The following NCKAP5 variants were observed in gnomAD, a reference collection of about 807,000 sequenced individuals.
The protein encoded by NCKAP5 is NCK associated protein 5, also known as nck-associated protein 5.
NCKAP5 carries 92 observed loss-of-function variants against 167.0 expected under a neutral mutation model. The ratio of observed to expected loss-of-function variants is 0.55; its 90% CI spans 0.47 to 0.66. The LOEUF (loss-of-function observed/expected upper bound fraction) is 0.66. Ranked by LOEUF, NCKAP5 falls within the 30% of genes least tolerant of loss-of-function variation. The probability of loss-of-function intolerance (pLI) is 0.00; values close to 1 mark genes in which losing one functional copy is unlikely to be tolerated. For missense variants in NCKAP5, 2,378 were observed against 2,315.0 expected (o/e 1.03, Z -0.56); for synonymous variants, 891 against 877.4 (o/e 1.02, Z -0.27).
rs139452459 is a variant in NCKAP5, at chr2:133,314,736, C to G, written c.70-11626G>C. Among the ~76,000 whole-genome samples the G allele has an allele frequency of 1.1e-3, 167 of 151,996 alleles. 1 individual carries two copies. Among genetic ancestry groups the G allele is most frequent in the Middle Eastern group, 3.4e-3 (1 of 294 alleles). On this transcript the variant is annotated intron_variant, in intron 3 of 19. Coordinates refer to ENST00000409261, the MANE Select transcript of NCKAP5 (RefSeq NM_207363.3). The stretch of plus-strand genomic sequence containing the variant: ...GAAGGTAACATTTTTGTGAGGGAGA[C>G]AGACAAAATAAGTGGAGGTAAGTGG...
chr2:132,965,363 T>TA (rs1159825443), intron 7 of NCKAP5, among the ~76,000 whole-genome samples: 1 of 152,180 alleles, frequency 6.6e-6, no homozygotes. Context: ...CTGTCAGACT[T>TA]ACATTTCCAA....
At chr2:133,348,345 G>A (rs74318870) in intron 3 of NCKAP5, among the ~76,000 whole-genome samples, 8,589 of 152,182 alleles carry the variant, frequency 0.056, 303 homozygotes, top group East Asian at 0.12. Flanking sequence ...AATTCAATAC[G>A]TCTGTGTGTG....
intron 2 of NCKAP5, among the ~76,000 whole-genome samples, chr2:133,540,601 T>C (rs72992347): frequency 0.086 from 13,052 of 152,146 alleles, 926 homozygotes; most frequent in African/African-American, 0.2. Context: ...AAGACATGGA[T>C]CAAACATGTT....
intron 4 of NCKAP5, among the ~76,000 whole-genome samples, chr2:133,289,081 G>A (rs952866493): frequency 6.6e-6 from 1 of 152,188 alleles, no homozygotes; most frequent in Admixed American, 6.5e-5. Flanking sequence ...ATGAACCAGG[G>A]ATGATATTTT....
intron 3 of NCKAP5, among the ~76,000 whole-genome samples, chr2:133,309,779 C>T (rs889152162): frequency 1.3e-5 from 2 of 151,944 alleles, no homozygotes; most frequent in African/African-American, 4.8e-5. Flanking sequence ...TGAGAGAGGC[C>T]CATTATAAAT....
intron 3 of NCKAP5, among the ~76,000 whole-genome samples, chr2:133,410,394 G>A (rs1356231333): frequency 6.6e-6 from 1 of 152,144 alleles, no homozygotes; most frequent in African/African-American, 2.4e-5. Context: ...ACACATCCCA[G>A]TTTAAGAAGC....
At chr2:133,531,448 A>G (rs1477337043) in intron 2 of NCKAP5, among the ~76,000 whole-genome samples, 1 of 152,028 alleles carries the variant, frequency 6.6e-6, no homozygotes, top group Non-Finnish European at 1.5e-5. Context: ...TGATTAATAA[A>G]CTTTAAACTT....
chr2:133,229,889 A>C (rs968923112), intron 4 of NCKAP5, among the ~76,000 whole-genome samples: 4 of 152,044 alleles, frequency 2.6e-5, no homozygotes, highest in African/African-American at 9.7e-5. Context: ...GTTCTGCTTG[A>C]GTTCAGACTC....
intron 6 of NCKAP5, among the ~76,000 whole-genome samples, chr2:133,093,610 T>A (rs946440061): frequency 6.6e-6 from 1 of 152,204 alleles, no homozygotes; most frequent in Non-Finnish European, 1.5e-5. Context: ...AAAAGTTATC[T>A]CTAATAGAAA....
At chr2:133,627,495 C>T in the NCKAP5 span, among the ~76,000 whole-genome samples, 2 of 151,954 alleles carry the variant, frequency 1.3e-5, no homozygotes, top group Non-Finnish European at 2.9e-5. Context: ...ATTTTTTAGG[C>T]CAGGCACAGT....
chr2:133,074,690 C>T (rs530987216), intron 6 of NCKAP5, among the ~76,000 whole-genome samples: 3 of 152,174 alleles, frequency 2.0e-5, no homozygotes, highest in Admixed American at 2.0e-4. Context: ...TTAAAAAATA[C>T]AATCAATAAA....
Position 132,731,991 on chromosome 2 carries a change from G to C in NCKAP5, c.5189C>G (p.Ser1730Trp). 6.2e-7 allele frequency: 1 copy of C among 1,613,860 alleles called. No individual in the cohort carries two copies. Among genetic ancestry groups the C allele is most frequent in the Non-Finnish European group, 8.5e-7 (1 of 1,179,854 alleles). The stretch of plus-strand genomic sequence containing the variant: ...GTAGCGTCCTGTCGAGCGATTTCCC[G>C]AGTCTGGGAGTGGAAAGGTTCCGAT... ...SGIGTFPLPD[S>W]GNRSTGRYLC... Residue 1730 changes from serine (S) to tryptophan (W), a missense_variant, in exon 17 of 20, where the codon TCG (serine) becomes TGG (tryptophan). This residue lies in a region of NCKAP5 where 1,325 missense variants were observed against 1,274.5 expected (regional missense o/e 1.04). Transcript: ENST00000409261.
chr2:133,331,782 C>A (rs1682870682), intron 3 of NCKAP5, among the ~76,000 whole-genome samples: 2 of 152,182 alleles, frequency 1.3e-5, no homozygotes, highest in South Asian at 4.1e-4. Context: ...ACGACTTCTC[C>A]CTGGAGGGAG....
In NCKAP5 at chr2:132,732,045, T is replaced by C; in HGVS notation, c.5135A>G (p.Asn1712Ser). Residue 1712 changes from asparagine to serine, a missense_variant, in exon 17 of 20, where the codon AAC becomes AGC. Asn to Ser is a conservative substitution (Grantham distance 46). This residue lies in a region of NCKAP5 where 1,325 missense variants were observed against 1,274.5 expected (regional missense o/e 1.04). Coordinates refer to ENST00000409261, the MANE Select transcript of NCKAP5 (RefSeq NM_207363.3). ...SVFQSHIIES[N>S]CQMRTLDSGI... Reference sequence around the variant, plus strand: ...ACTGTCCAATGTTCTCATCTGGCAGTTGGATTCTGAGATAGAGAGACAGAG... The same window carrying C: ...ACTGTCCAATGTTCTCATCTGGCAGCTGGATTCTGAGATAGAGAGACAGAG... 2.5e-6 allele frequency: 4 copies of C among 1,608,988 alleles called. No homozygotes were observed. The highest frequency in any genetic ancestry group is 1.3e-5 in the African/African-American group (1 of 74,694).
chr2:133,089,906 C>T (rs995628777), intron 6 of NCKAP5, among the ~76,000 whole-genome samples: 3 of 152,120 alleles, frequency 2.0e-5, no homozygotes, highest in South Asian at 2.1e-4. Flanking sequence ...TTTTGTGGAG[C>T]GTTTCTACAG....
At chr2:133,529,838 G>A (rs1456691107) in intron 2 of NCKAP5, among the ~76,000 whole-genome samples, 2 of 152,026 alleles carry the variant, frequency 1.3e-5, no homozygotes, top group African/African-American at 2.4e-5. Flanking sequence ...TTTTTCTCTG[G>A]ATTGCCTACT....
chr2:133,475,330 GCA>G (rs1679785559), intron 3 of NCKAP5, among the ~76,000 whole-genome samples: 1 of 152,230 alleles, frequency 6.6e-6, no homozygotes, highest in Admixed American at 6.5e-5. Flanking sequence ...CTCCCAATGT[GCA>G]CACACACATG....
chr2:133,322,289 T>A (rs575402915), intron 3 of NCKAP5, among the ~76,000 whole-genome samples: 6 of 152,182 alleles, frequency 3.9e-5, no homozygotes, highest in Non-Finnish European at 7.3e-5. Context: ...AAAGCATAGA[T>A]GCAAGAAAGT....
chr2:133,167,493 T>C (rs929880337), intron 5 of NCKAP5, among the ~76,000 whole-genome samples: 2 of 152,168 alleles, frequency 1.3e-5, no homozygotes, highest in African/African-American at 4.8e-5. Context: ...CTACCATACA[T>C]GGTAGATAGG....
Sources: allele counts gnomAD v4.1 joint callset (sites outside exome capture counted in the v4.1 genomes callset), GRCh38; gene constraint gnomAD v4.1.1; regional missense constraint gnomAD v4.1.1; transcripts MANE v1.5; gene names NCBI Gene and HGNC (gene_info 2026-07-23, HGNC 2026-07-21).